Variants in SETX observed in about 807,000 individuals in gnomAD.
The protein encoded by SETX is helicase senataxin.
In SETX, 90 loss-of-function variants were observed where a neutral mutation model predicts 227.2. The ratio of observed to expected loss-of-function variants is 0.40; its 90% CI spans 0.33 to 0.47. The LOEUF (loss-of-function observed/expected upper bound fraction) is 0.47. SETX is among the 20% of genes least tolerant of loss of function. The probability of loss-of-function intolerance (pLI) is 0.91; values close to 1 mark genes in which losing one functional copy is unlikely to be tolerated. For missense variants in SETX, 3,052 were observed against 3,181.5 expected (o/e 0.96, Z 0.98); for synonymous variants, 1,210 against 1,113.2 (o/e 1.09, Z -1.73).
chr9:132,352,880 C>G (rs1848672418), intron 2 of SETX, among the ~76,000 whole-genome samples: 1 of 152,156 alleles, frequency 6.6e-6, no homozygotes, highest in African/African-American at 2.4e-5. Context: ...AACCAGTAAC[C>G]TAGGAATTAT....
At chr9:132,324,019 A>G (rs781442400) in intron 10 of SETX, among the ~76,000 whole-genome samples, 1 of 152,238 alleles carries the variant, frequency 6.6e-6, no homozygotes, top group Non-Finnish European at 1.5e-5. Context: ...AATGGGCCAG[A>G]TAGAAATCTT....
upstream of SETX, among the ~76,000 whole-genome samples, chr9:132,356,228 A>G (rs1204402901): frequency 2.6e-5 from 4 of 151,238 alleles, no homozygotes; most frequent in Non-Finnish European, 5.9e-5. Context: ...TTTGAGATGG[A>G]GTCGCGCTCT....
intron 10 of SETX, among the ~76,000 whole-genome samples, chr9:132,324,420 TGTA>T (rs1037255471): frequency 1.3e-5 from 2 of 152,164 alleles, no homozygotes; most frequent in East Asian, 1.9e-4. Context: ...TCTCTTCTTT[TGTA>T]GTAGACTTGT....
At chr9:132,265,067 G>A (rs1842572392) in intron 25 of SETX, 82 bp from the exon 26 acceptor site, 3 of 1,489,060 alleles carry the variant, frequency 2.0e-6, no homozygotes, top group Non-Finnish European at 2.8e-6. Context: ...TTTCATTTCT[G>A]AACAAATAAT....
chr9:132,317,275 T>C (rs1846026965), intron 10 of SETX, among the ~76,000 whole-genome samples: 1 of 151,910 alleles, frequency 6.6e-6, no homozygotes. Context: ...TGCACATCCA[T>C]CTTGTGCCCA....
At position 132,328,412 on chromosome 9, in the gene SETX, T is replaced by C. The variant is rs376936192; in HGVS notation, c.3186A>G (p.Val1062=). 1.9e-6 allele frequency: 3 copies of C among 1,613,988 alleles called. No individual in the cohort carries two copies. The highest frequency in any genetic ancestry group is 1.6e-4 in the Middle Eastern group (1 of 6,062). Reference sequence around the variant, plus strand: ...AAAGAGTCTCTGTCTTTTCTTCCTTTACTGGATTCTTTTCCTCCTTACTAT... The same window carrying C: ...AAAGAGTCTCTGTCTTTTCTTCCTTCACTGGATTCTTTTCCTCCTTACTAT... The part of the protein sequence containing the change: ...TVNSKEEKNP[V]KEEKTETLFQ... Residue 1062 remains valine (V), a synonymous_variant, in exon 10 of 26, where the codon GTA becomes GTG. Transcript: ENST00000224140.
intron 15 of SETX, among the ~76,000 whole-genome samples, chr9:132,293,804 C>T (rs367991106): frequency 1.3e-5 from 2 of 152,058 alleles, no homozygotes; most frequent in South Asian, 2.1e-4. Flanking sequence ...AGGCAGATCA[C>T]GAGGTCAGGA....
At chr9:132,350,811 T>C (rs1474245263) in intron 2 of SETX, among the ~76,000 whole-genome samples, 2 of 152,196 alleles carry the variant, frequency 1.3e-5, no homozygotes, top group African/African-American at 4.8e-5. Flanking sequence ...AAAACTTCTT[T>C]AGAAGAAATT....
chr9:132,286,508 C>T lies in SETX; in HGVS notation c.6325-14G>A. ...TAATTCTTGCCTCTGGAAAAAAATT[C>T]AAATGTCACAATTAAAACTAAACTA... On this transcript the variant is annotated splice_polypyrimidine_tract_variant and intron_variant, in intron 17 of 25. Transcript: ENST00000224140. 6.3e-7 allele frequency: 1 copy of T among 1,590,996 alleles called. No individual in the cohort carries two copies.
At chr9:132,333,458 C>CAT (rs1214935314) in intron 7 of SETX, among the ~76,000 whole-genome samples, 4,975 of 111,058 alleles carry the variant, frequency 0.045, 565 homozygotes, top group African/African-American at 0.13. Flanking sequence ...CACACACACA[C>CAT]GCCCTATCAA....
At chr9:132,290,550 G>A (rs1350021312) in intron 15 of SETX, among the ~76,000 whole-genome samples, 1 of 140,458 alleles carries the variant, frequency 7.1e-6, no homozygotes, top group Non-Finnish European at 1.5e-5. Context: ...ACTCTGGCCT[G>A]GGAGACAGAG....
chr9:132,335,346 G>A (rs538480864), intron 6 of SETX, among the ~76,000 whole-genome samples: 19 of 123,758 alleles, frequency 1.5e-4, no homozygotes, highest in East Asian at 1.5e-3. Flanking sequence ...AGCCGAGATC[G>A]CGCGACTGCA....
chr9:132,314,906 G>GGTT (rs1845877383), intron 10 of SETX, among the ~76,000 whole-genome samples: 1 of 88,478 alleles, frequency 1.1e-5, no homozygotes, highest in Non-Finnish European at 2.2e-5. Context: ...ATTTTATTGT[G>GGTT]TTTTTTTTTT....
chr9:132,335,119 G>C (rs559534080), intron 6 of SETX, among the ~76,000 whole-genome samples: 6 of 152,004 alleles, frequency 3.9e-5, no homozygotes, highest in Admixed American at 1.3e-4. Context: ...GGCCGGGCGT[G>C]GTGGCTCACA....
At chr9:132,335,204 C>G (rs571128719) in intron 6 of SETX, among the ~76,000 whole-genome samples, 25 of 151,772 alleles carry the variant, frequency 1.6e-4, no homozygotes, top group African/African-American at 3.9e-4. Context: ...TCCTGGCTAA[C>G]ATGGTGAAAC....
chr9:132,310,971 G>GTT (rs1022493534), intron 11 of SETX, among the ~76,000 whole-genome samples: 1 of 151,864 alleles, frequency 6.6e-6, no homozygotes, highest in South Asian at 2.1e-4. Flanking sequence ...GTTGTTTTTT[G>GTT]TTTTTGTTTT....
intron 7 of SETX, among the ~76,000 whole-genome samples, chr9:132,333,973 C>G (rs1564552014): frequency 6.6e-6 from 1 of 151,882 alleles, no homozygotes; most frequent in Non-Finnish European, 1.5e-5. Flanking sequence ...CACAGAGAAA[C>G]AAAGAGGCAG....
chr9:132,291,612 G>A (rs1266257020), intron 15 of SETX, among the ~76,000 whole-genome samples: 1 of 152,164 alleles, frequency 6.6e-6, no homozygotes, highest in East Asian at 1.9e-4. Flanking sequence ...AATGTTAAGA[G>A]AAATCCCTAG....
chr9:132,356,359 G>C (rs1023846149), upstream of SETX, among the ~76,000 whole-genome samples: 2 of 151,874 alleles, frequency 1.3e-5, no homozygotes, highest in African/African-American at 4.8e-5. Flanking sequence ...TGTGCCACAC[G>C]CCCGGCTAAT....
Sources: gnomAD v4.1 joint callset for allele counts (sites outside exome capture counted in the v4.1 genomes callset) on GRCh38, gnomAD v4.1.1 for gene constraint, MANE v1.5 for transcripts, NCBI Gene and HGNC (gene_info 2026-07-23, HGNC 2026-07-21) for gene names.